The following APP variants were observed in gnomAD, a reference collection of about 807,000 sequenced individuals.
The protein encoded by APP is amyloid beta precursor protein, also known as amyloid-beta precursor protein.
Under a neutral mutation model 101.4 loss-of-function variants are expected in APP, and 31 were observed. That is an observed-to-expected ratio of 0.31 (90% CI 0.23 to 0.41). APP has a LOEUF of 0.41. Ranked by LOEUF, APP falls within the 10% of genes least tolerant of loss-of-function variation. The probability of loss-of-function intolerance (pLI) is 1.00; values close to 1 mark genes in which losing one functional copy is unlikely to be tolerated. For missense variants in APP, 839 were observed against 1,003.7 expected, an observed-to-expected ratio of 0.84 and a Z score of 2.22; for synonymous variants, 366 against 364.4, an observed-to-expected ratio of 1.00 and a Z score of -0.05.
intron 13 of APP, among the ~76,000 whole-genome samples, chr21:25,926,228 C>A (rs1033164805): frequency 6.6e-6 from 1 of 152,170 alleles, no homozygotes; most frequent in Non-Finnish European, 1.5e-5. Context: ...GGACAAACTT[C>A]ATTGCTGGGT....
At chr21:26,046,569 T>G (rs1233414189) in intron 5 of APP, among the ~76,000 whole-genome samples, 1 of 151,932 alleles carries the variant, frequency 6.6e-6, no homozygotes, top group Non-Finnish European at 1.5e-5. Flanking sequence ...ATCATCTAAT[T>G]ATCCAGAAAG....
intron 3 of APP, among the ~76,000 whole-genome samples, chr21:26,086,289 C>G (rs767085109): frequency 6.6e-6 from 1 of 152,192 alleles, no homozygotes; most frequent in African/African-American, 2.4e-5. Flanking sequence ...AGAAAGCCAA[C>G]TTATTCTCAA....
chr21:25,954,015 A>AGTTTAAGTTTAAGT (rs2041204784), intron 13 of APP, among the ~76,000 whole-genome samples: 2 of 152,230 alleles, frequency 1.3e-5, no homozygotes, highest in Non-Finnish European at 2.9e-5. Flanking sequence ...AGTTTAAACA[A>AGTTTAAGTTTAAGT]TGATGTGGTT....
intron 11 of APP, among the ~76,000 whole-genome samples, chr21:25,971,196 C>T (rs912842968): frequency 1.5e-4 from 23 of 150,780 alleles, no homozygotes; most frequent in African/African-American, 4.6e-4. Flanking sequence ...TACAGGTGTG[C>T]GCCACCACAC....
In APP at chr21:25,887,411, A is replaced by G. The variant is rs558487381; in HGVS notation, c.2211+4311T>C. The stretch of plus-strand genomic sequence containing the variant: ...TATTGCTTCACTGCTTGAAGCACCA[A>G]TAAGGCACAGTTACCTCCTTGGGAA... On this transcript the variant is annotated intron_variant, in intron 17 of 17. Transcript: ENST00000346798. 6.6e-5 allele frequency among the ~76,000 whole-genome samples: 10 copies of G among 152,028 alleles called. 1 individual carries two copies. The highest frequency in any genetic ancestry group is 3.9e-4 in the East Asian group (2 of 5,154).
intron 1 of APP, among the ~76,000 whole-genome samples, chr21:26,120,461 T>G (rs1258453913): frequency 1.3e-5 from 2 of 152,134 alleles, no homozygotes; most frequent in African/African-American, 4.8e-5. Context: ...GCCATAAATA[T>G]TTTATATTTA....
At chr21:26,022,126 T>C in intron 5 of APP, 84 bp from the exon 6 acceptor site, 1 of 1,525,396 alleles carries the variant, frequency 6.6e-7, no homozygotes. Context: ...TATGGAATTT[T>C]GGCAATTTGA....
intron 1 of APP, among the ~76,000 whole-genome samples, chr21:26,128,251 T>C (rs759666023): frequency 8.1e-4 from 124 of 152,340 alleles, no homozygotes; most frequent in Non-Finnish European, 1.2e-3. Flanking sequence ...ATTTTTAAAC[T>C]ATCTAAGATA....
At chr21:26,054,547 A>G (rs2045960918) in intron 3 of APP, among the ~76,000 whole-genome samples, 1 of 151,322 alleles carries the variant, frequency 6.6e-6, no homozygotes, top group Non-Finnish European at 1.5e-5. Context: ...GCACTGGGGA[A>G]GCATGCTGGA....
At chr21:26,091,952 C>T (rs1601437001) in intron 2 of APP, among the ~76,000 whole-genome samples, 2 of 152,106 alleles carry the variant, frequency 1.3e-5, no homozygotes, top group Admixed American at 6.5e-5. Context: ...CACGGAATTT[C>T]ACTCACAATT....
intron 1 of APP, among the ~76,000 whole-genome samples, chr21:26,163,359 C>A (rs1023984999): frequency 3.3e-5 from 5 of 151,368 alleles, no homozygotes; most frequent in African/African-American, 7.3e-5. Flanking sequence ...AAAAAGGAAC[C>A]ATCTGGAAAT....
At chr21:26,089,860 T>G in intron 3 of APP, 83 bp downstream of exon 3, 1 of 1,597,012 alleles carries the variant, frequency 6.3e-7, no homozygotes, top group Non-Finnish European at 8.6e-7. Context: ...AGTCTGTGTA[T>G]GTGACCTAAC....
At chr21:25,889,905 A>C (rs2037576635) in intron 17 of APP, among the ~76,000 whole-genome samples, 1 of 151,944 alleles carries the variant, frequency 6.6e-6, no homozygotes, top group Non-Finnish European at 1.5e-5. Context: ...AAAAACCAAA[A>C]CAACAACAGC....
chr21:26,066,384 A>G (rs1172454457), intron 3 of APP, among the ~76,000 whole-genome samples: 2 of 152,074 alleles, frequency 1.3e-5, no homozygotes, highest in African/African-American at 2.4e-5. Context: ...ATATCGTTGT[A>G]CAACCATCAC....
intron 1 of APP, among the ~76,000 whole-genome samples, chr21:26,127,272 A>C (rs1343039479): frequency 6.6e-6 from 1 of 152,138 alleles, no homozygotes; most frequent in Non-Finnish European, 1.5e-5. Flanking sequence ...ACTCATAACT[A>C]GGGTTCCAAG....
At chr21:25,984,167 C>T (rs888444067) in intron 8 of APP, among the ~76,000 whole-genome samples, 3 of 151,882 alleles carry the variant, frequency 2.0e-5, no homozygotes, top group East Asian at 1.9e-4. Context: ...ATGCTAACCA[C>T]GGGAAAGTTC....
rs63751122 is a variant in APP at position 25,891,765 on chromosome 21, A to G, written c.2168T>C (p.Leu723Pro). ...ATVIVITLVM[L>P]KKKQYTSIHH... The stretch of plus-strand genomic sequence containing the variant: ...AATGGATGTGTACTGTTTCTTCTTC[A>G]GCATCACCAAGGTGATGACGATCAC... The change falls in exon 17 of 18, where the codon CTG becomes CCG. Residue 723 changes from leucine (L) to proline (P), a missense_variant. Leu to Pro is a moderately conservative substitution (Grantham distance 98, BLOSUM62 -3). Transcript: ENST00000346798. 1 of 1,614,082 alleles carries G rather than the reference A, an allele frequency of 6.2e-7. No homozygotes were observed. Among genetic ancestry groups the G allele is most frequent in the Non-Finnish European group, 8.5e-7 (1 of 1,179,912 alleles).
At chr21:25,962,032 C>T (rs1324813789) in intron 11 of APP, among the ~76,000 whole-genome samples, 1 of 152,006 alleles carries the variant, frequency 6.6e-6, no homozygotes, top group Non-Finnish European at 1.5e-5. Context: ...GATGGCTAAT[C>T]TCATTATTAA....
intron 6 of APP, among the ~76,000 whole-genome samples, chr21:26,011,775 C>G (rs1312395840): frequency 7.4e-6 from 1 of 135,422 alleles, no homozygotes; most frequent in Non-Finnish European, 1.6e-5. Context: ...AATTGGCAAG[C>G]AAGACTTTTC....
Sources: allele counts gnomAD v4.1 joint callset (sites outside exome capture counted in the v4.1 genomes callset), GRCh38; gene constraint gnomAD v4.1.1; transcripts MANE v1.5; gene names NCBI Gene and HGNC (gene_info 2026-07-23, HGNC 2026-07-21).